Variants in MYO7B observed in about 807,000 individuals in gnomAD.
The protein encoded by MYO7B is myosin VIIB, also known as unconventional myosin-VIIb.
Under a neutral mutation model 259.7 loss-of-function variants are expected in MYO7B, and 212 were observed. That is an observed-to-expected ratio of 0.82 (90% CI 0.73 to 0.91). MYO7B has a LOEUF of 0.91. MYO7B is among the 40% of genes least tolerant of loss of function. MYO7B has a pLI of 0.00. For synonymous variants in MYO7B, 1,197 were observed against 1,166.4 expected, an observed-to-expected ratio of 1.03 and a Z score of -0.54; for missense variants, 2,732 against 2,813.5, an observed-to-expected ratio of 0.97 and a Z score of 0.66.
chr2:127,632,370 G>A lies in MYO7B; in HGVS notation c.5374G>A (p.Asp1792Asn), dbSNP rs749594114. ...TCGGAGGGGGAAGCTGCTGGCCCCC[G>A]ACTGCAGCCGCCGAATCCAGAAGGT... is the stretch of plus-strand genomic sequence containing the variant. ...DTRRGKLLAP[D>N]CSRRIQKVLR... is the part of the protein sequence containing the mutation. The change falls in exon 39 of 48, where the codon GAC becomes AAC. Residue 1792 changes from aspartate to asparagine, a missense_variant. Asp to Asn is a conservative substitution (Grantham distance 23, BLOSUM62 1). Coordinates refer to ENST00000409816, the MANE Select transcript of MYO7B (RefSeq NM_001393586.1). The A allele has an allele frequency of 8.2e-6, 13 of 1,583,060 alleles. No individual in the cohort carries two copies. Among genetic ancestry groups the A allele is most frequent in the South Asian group, 2.3e-5 (2 of 86,956 alleles).
chr2:127,592,783 TC>T lies in MYO7B; in HGVS notation c.1993-9del, dbSNP rs758579828. The T allele has an allele frequency of 3.7e-6, 6 of 1,605,602 alleles. No individual in the cohort carries two copies. The Admixed American group carries it at 1.0e-4, about 27-fold the overall frequency. ...GCTTGCGCTGGGTCAGCGCCCGGTG[TC>T]CGCCCACAGCTGTTCGACCGGGAGC... On this transcript the variant is annotated splice_polypyrimidine_tract_variant and intron_variant, in intron 16 of 47. Coordinates refer to ENST00000409816, the MANE Select transcript of MYO7B (RefSeq NM_001393586.1).
At chr2:127,593,366 C>G (rs1406168196) in intron 17 of MYO7B, among the ~76,000 whole-genome samples, 180 bp from the exon 18 acceptor site, 4 of 151,874 alleles carry the variant, frequency 2.6e-5, no homozygotes, top group Non-Finnish European at 5.9e-5. Context: ...CCCCGGGCCC[C>G]GAGTTCCCTC....
intron 5 of MYO7B, among the ~76,000 whole-genome samples, 154 bp downstream of exon 5, chr2:127,566,981 G>A (rs768645257): frequency 2.0e-5 from 3 of 152,164 alleles, no homozygotes; most frequent in South Asian, 2.1e-4. Flanking sequence ...CCTGCACCCC[G>A]AGCAGTTCCC....
intron 1 of MYO7B, among the ~76,000 whole-genome samples, chr2:127,554,992 A>G (rs1693585930): frequency 6.8e-6 from 1 of 146,654 alleles, no homozygotes; most frequent in South Asian, 2.1e-4. Flanking sequence ...CTCGTTGCCC[A>G]GGCTGGAGCA....
chr2:127,584,173 T>C lies in MYO7B; in HGVS notation c.1395T>C (p.Phe465=). 2 of 1,613,932 alleles carry C rather than the reference T, an allele frequency of 1.2e-6. No individual in the cohort carries two copies. Among genetic ancestry groups the C allele is most frequent in the Non-Finnish European group, 1.7e-6 (2 of 1,179,864 alleles). Residue 465 remains phenylalanine, a synonymous_variant, in exon 13 of 48, where the codon TTT becomes TTC. Coordinates refer to ENST00000409816, the MANE Select transcript of MYO7B (RefSeq NM_001393586.1). The surrounding 1 kb of genome is among the most constrained non-coding windows in gnomAD (Gnocchi z 5.8). ...CCAACGAGCACCTGCAGCAGTTCTT[T>C]GTGCAGCACGTGTTCACCATGGAGC... ...NFANEHLQQF[F]VQHVFTMEQE...
intron 17 of MYO7B, 34 bp from the exon 18 acceptor site, chr2:127,593,512 A>G: frequency 6.2e-7 from 1 of 1,600,450 alleles, no homozygotes; most frequent in Non-Finnish European, 8.5e-7. Context: ...TCTCTGCCCC[A>G]CCTCCCACCG....
At chr2:127,552,826 C>T (rs1693500896) in intron 1 of MYO7B, among the ~76,000 whole-genome samples, 1 of 152,144 alleles carries the variant, frequency 6.6e-6, no homozygotes, top group Non-Finnish European at 1.5e-5. Flanking sequence ...TGTCTGGGAG[C>T]CAGGATTCAG....
At position 127,605,946 on chromosome 2, in the gene MYO7B, G is replaced by T; in HGVS notation, c.2424+18G>T. On this transcript the variant is annotated intron_variant, in intron 20 of 47. Coordinates refer to ENST00000409816, the MANE Select transcript of MYO7B (RefSeq NM_001393586.1). The stretch of plus-strand genomic sequence containing the variant: ...TCAAGCTGGTGAGAGAGCTCTCTGG[G>T]GCGGCTGGGCCGCGGGACCAGCGGG... The T allele has an allele frequency of 6.9e-7, 1 of 1,458,698 alleles. No individual in the cohort carries two copies. The highest frequency in any genetic ancestry group is 9.0e-7 in the Non-Finnish European group (1 of 1,109,786). The allele number at this position is 1,458,698 out of a possible 1,614,324, so 90.4% of individuals were successfully genotyped here.
At chr2:127,556,627 G>T (rs1015622182) in intron 1 of MYO7B, among the ~76,000 whole-genome samples, 8 of 152,124 alleles carry the variant, frequency 5.3e-5, no homozygotes, top group African/African-American at 1.9e-4. Context: ...AAAAAGACTG[G>T]ATCTTTCTTT....
chr2:127,563,415 A>G (rs1008105803), intron 2 of MYO7B, among the ~76,000 whole-genome samples: 6 of 152,200 alleles, frequency 3.9e-5, no homozygotes, highest in Non-Finnish European at 8.8e-5. Flanking sequence ...AATTTTTAGT[A>G]GTGGCTTCTC....
intron 18 of MYO7B, 71 bp downstream of exon 18, chr2:127,593,715 C>A: frequency 7.0e-7 from 1 of 1,421,182 alleles, no homozygotes; most frequent in Non-Finnish European, 9.9e-7. Flanking sequence ...TTGCACCAGG[C>A]CCGGGGTCCA....
rs376457783 is a variant in MYO7B at position 127,636,669 on chromosome 2, C to A, written c.6207+41C>A. The A allele has an allele frequency of 2.0e-4, 321 of 1,607,906 alleles. 3 individuals carry two copies. In the Middle Eastern group the frequency reaches 0.013, roughly 65 times the overall value. The stretch of plus-strand genomic sequence containing the variant: ...CCGGAGGGGCTGGGGGCCACCAGGT[C>A]CAGGGACCTGTGCAGGTGGGGCTGC... On this transcript the variant is annotated intron_variant, in intron 46 of 47. Coordinates refer to ENST00000409816, the MANE Select transcript of MYO7B (RefSeq NM_001393586.1). The surrounding 1 kb of genome is among the most constrained non-coding windows in gnomAD (Gnocchi z 4.5).
At chr2:127,555,592 G>C (rs1693606430) in intron 1 of MYO7B, among the ~76,000 whole-genome samples, 1 of 152,112 alleles carries the variant, frequency 6.6e-6, no homozygotes, top group Non-Finnish European at 1.5e-5. Flanking sequence ...TTGACAGATT[G>C]TGTAACTATT....
intron 19 of MYO7B, among the ~76,000 whole-genome samples, chr2:127,600,664 T>A (rs1221687323): frequency 6.6e-5 from 10 of 152,228 alleles, no homozygotes. Context: ...GAGCCAAGAT[T>A]GTGCCATTGC....
chr2:127,549,122 CTT>C (rs1693347690), intron 1 of MYO7B, among the ~76,000 whole-genome samples: 1 of 149,262 alleles, frequency 6.7e-6, no homozygotes, highest in South Asian at 2.1e-4. Context: ...CCAACTCTCT[CTT>C]CTTTCTCTCT....
chr2:127,580,912 T>A, intron 10 of MYO7B, 90 bp downstream of exon 10: 1 of 1,267,462 alleles, frequency 7.9e-7, no homozygotes, highest in Non-Finnish European at 1.1e-6. Context: ...CTTATAACCC[T>A]ACCCAGGCCC....
At position 127,636,402 on chromosome 2, in the gene MYO7B, C is replaced by G. The variant is rs1681808776; in HGVS notation, c.6123+78C>G. ...CAGCCCCAGCAGGCCCAGCGTCAAC[C>G]AGCACACATCTTGGGTGGGGCTGGC... On this transcript the variant is annotated intron_variant, in intron 45 of 47. Transcript: ENST00000409816. The surrounding 1 kb of genome is among the most constrained non-coding windows in gnomAD (Gnocchi z 4.5). The G allele has an allele frequency of 6.8e-7, 1 of 1,472,202 alleles. No homozygotes were observed. The highest frequency in any genetic ancestry group is 9.5e-7 in the Non-Finnish European group (1 of 1,057,850). The allele number at this position is 1,472,202 out of a possible 1,614,324, so 91.2% of individuals were successfully genotyped here. A position where few individuals can be genotyped will look rare whatever the true frequency, so the allele number is the denominator to read the frequency against.
intron 9 of MYO7B, among the ~76,000 whole-genome samples, chr2:127,579,613 T>C (rs1318511077): frequency 6.6e-6 from 1 of 151,892 alleles, no homozygotes; most frequent in East Asian, 1.9e-4. Context: ...TGAGACAGGG[T>C]CTTGCTTTGT....
intron 30 of MYO7B, 141 bp downstream of exon 30, chr2:127,624,461 G>A: frequency 2.6e-6 from 2 of 756,836 alleles, no homozygotes; most frequent in African/African-American, 1.8e-5. Context: ...GTCCCTTCCA[G>A]GCCCAGCCTC....
Sources: gnomAD v4.1 joint callset for allele counts (sites outside exome capture counted in the v4.1 genomes callset) on GRCh38, gnomAD v4.1.1 for gene constraint, Gnocchi (gnomAD v3.1) non-coding constraint, MANE v1.5 for transcripts, NCBI Gene and HGNC (gene_info 2026-07-23, HGNC 2026-07-21) for gene names.